Variants in DNMT1 observed in about 807,000 individuals in gnomAD.
DNMT1 encodes DNA methyltransferase 1.
Under a neutral mutation model 205.3 loss-of-function variants are expected in DNMT1, and 24 were observed. The ratio of observed to expected loss-of-function variants is 0.12; its 90% CI spans 0.08 to 0.16. DNMT1 has a LOEUF of 0.16. Among genes scored for constraint, DNMT1 ranks in the 10% least tolerant of loss-of-function variants. The pLI is 1.00. For missense variants in DNMT1, 1,293 were observed against 2,177.7 expected (o/e 0.59, Z 8.09); for synonymous variants, 817 against 839.8 (o/e 0.97, Z 0.47).
At position 10,146,126 on chromosome 19, in the gene DNMT1, C is replaced by G. The variant is rs1470372026; in HGVS notation, c.2894+225G>C. 6.6e-6 allele frequency among the ~76,000 whole-genome samples: 1 copy of G among 152,162 alleles called. No individual in the cohort carries two copies. Among genetic ancestry groups the G allele is most frequent in the Non-Finnish European group, 1.5e-5 (1 of 68,034 alleles). Reference sequence around the variant, plus strand: ...GATTACAGGCGTGAGAAACCACACCCAGCCAAACCAGCGAGTTGACTTTTA... The same window carrying G: ...GATTACAGGCGTGAGAAACCACACCGAGCCAAACCAGCGAGTTGACTTTTA... On this transcript the variant is annotated intron_variant, in intron 28 of 40. Coordinates refer to ENST00000359526, the MANE Select transcript of DNMT1 (RefSeq NM_001130823.3). The surrounding 1 kb of genome is among the most constrained non-coding windows in gnomAD (Gnocchi z 4.4).
chr19:10,166,587 C>A lies in DNMT1; in HGVS notation c.891+11G>T. 6.2e-7 allele frequency: 1 copy of A among 1,614,040 alleles called. No homozygotes were observed. Among genetic ancestry groups the A allele is most frequent in the Non-Finnish European group, 8.5e-7 (1 of 1,179,940 alleles). On this transcript the variant is annotated intron_variant, in intron 11 of 40. Transcript: ENST00000359526. ...TGAGGGGGAGTTCAGAAACAAATAACCCGCCTTTACTTTCTCGTCTCCATC... is the reference window on the plus strand; with the variant it reads ...TGAGGGGGAGTTCAGAAACAAATAAACCGCCTTTACTTTCTCGTCTCCATC...
At chr19:10,155,584 C>T (rs952036428) in intron 19 of DNMT1, among the ~76,000 whole-genome samples, 2 of 152,072 alleles carry the variant, frequency 1.3e-5, no homozygotes, top group South Asian at 2.1e-4. Flanking sequence ...CTCAAATGAT[C>T]CCCCCAACTC....
intron 26 of DNMT1, 23 bp from the exon 27 acceptor site, chr19:10,149,040 CAG>C (rs906405507): frequency 1.7e-5 from 27 of 1,613,202 alleles, no homozygotes; most frequent in Non-Finnish European, 2.1e-5. Flanking sequence ...GAATGCGTGT[CAG>C]GCCAGGCGCA....
chr19:10,171,149 A>C (rs77860680), intron 9 of DNMT1, among the ~76,000 whole-genome samples: 3 of 152,126 alleles, frequency 2.0e-5, no homozygotes, highest in African/African-American at 7.2e-5. Context: ...AGAAAAAAAA[A>C]CAGGACCCAG....
In DNMT1 at chr19:10,146,532, A is replaced by G. The variant is rs2038207511; in HGVS notation, c.2721-8T>C. 2.5e-6 allele frequency: 4 copies of G among 1,613,970 alleles called. No homozygotes were observed. The highest frequency in any genetic ancestry group is 2.5e-6 in the Non-Finnish European group (3 of 1,180,030). ...GCACAGCTCACACAGAATCTGAAGG[A>G]AACAAAGGGACAGAAACATAAGGCC... On this transcript the variant is annotated splice_polypyrimidine_tract_variant and splice_region_variant and intron_variant, in intron 27 of 40. Transcript: ENST00000359526. The surrounding 1 kb of genome is among the most constrained non-coding windows in gnomAD (Gnocchi z 4.4).
At chr19:10,139,889 A>C (rs2089566920) in intron 33 of DNMT1, 72 bp from the exon 34 acceptor site, 11 of 1,560,002 alleles carry the variant, frequency 7.1e-6, no homozygotes, top group East Asian at 2.4e-5. Flanking sequence ...CTGTGCCGGA[A>C]GCCCCTCACG....
intron 1 of DNMT1, among the ~76,000 whole-genome samples, chr19:10,191,836 A>C (rs1329717068): frequency 6.6e-6 from 1 of 151,954 alleles, no homozygotes; most frequent in Non-Finnish European, 1.5e-5. Flanking sequence ...TCTCTAAAAA[A>C]AAAAATTTTT....
chr19:10,177,995 C>T (rs1170579491), intron 5 of DNMT1, among the ~76,000 whole-genome samples: 3 of 151,646 alleles, frequency 2.0e-5, no homozygotes, highest in Admixed American at 1.3e-4. Context: ...TGCAGTGGCT[C>T]ATGCCTGTAA....
chr19:10,192,056 T>A (rs1242859949), intron 1 of DNMT1, among the ~76,000 whole-genome samples: 2 of 151,986 alleles, frequency 1.3e-5, no homozygotes, highest in Non-Finnish European at 2.9e-5. Flanking sequence ...ACTCCTGACC[T>A]CAGGTGATCT....
chr19:10,183,043 ATG>A (rs2039104824), intron 1 of DNMT1, among the ~76,000 whole-genome samples: 5 of 143,104 alleles, frequency 3.5e-5, no homozygotes, highest in East Asian at 4.6e-4. Flanking sequence ...ATACGTATAT[ATG>A]TGTATACATA....
chr19:10,181,918 T>C (rs755903733), intron 2 of DNMT1, 123 bp downstream of exon 2: 35 of 826,776 alleles, frequency 4.2e-5, no homozygotes, highest in Non-Finnish European at 6.1e-5. Flanking sequence ...AATATCCAAA[T>C]TATCTTTGAA....
chr19:10,136,452 A>G lies in DNMT1; in HGVS notation c.4490-165T>C, dbSNP rs147925942. 7.8e-4 allele frequency among the ~76,000 whole-genome samples: 119 copies of G among 152,228 alleles called. 1 individual carries two copies. Among genetic ancestry groups the G allele is most frequent in the Non-Finnish European group, 1.5e-3 (103 of 68,008 alleles). On this transcript the variant is annotated intron_variant, in intron 37 of 40. Transcript: ENST00000359526. The stretch of plus-strand genomic sequence containing the variant: ...TTCTCTGGGCACTGTTTTTATTATT[A>G]GTATTATATGTCTCGCTCTGTTGCC...
In DNMT1 at chr19:10,141,007, A is replaced by G. The variant is rs967505199; in HGVS notation, c.3394+98T>C. The G allele has an allele frequency of 3.3e-5, 53 of 1,613,210 alleles. No individual in the cohort carries two copies. In the Admixed American group the frequency reaches 8.5e-4, roughly 26 times the overall value. ...AACTCAGGCGGCCTCGCTGTCCCAG[A>G]GTCAGTAACACCAGAGGTGGTTTTA... On this transcript the variant is annotated intron_variant, in intron 31 of 40. Coordinates refer to ENST00000359526, the MANE Select transcript of DNMT1 (RefSeq NM_001130823.3).
intron 39 of DNMT1, among the ~76,000 whole-genome samples, chr19:10,135,262 C>CG (rs149750179): frequency 0.079 from 11,601 of 147,088 alleles, 644 homozygotes; most frequent in African/African-American, 0.15. Context: ...GAACCAGATT[C>CG]GGGGGGAGGG....
At chr19:10,139,294 G>A (rs534905153) in intron 34 of DNMT1, among the ~76,000 whole-genome samples, 8 of 152,180 alleles carry the variant, frequency 5.3e-5, no homozygotes, top group Non-Finnish European at 8.8e-5. Context: ...AACAGCTGCC[G>A]CCTACACATG....
In DNMT1 at chr19:10,133,832, G is replaced by A. The variant is rs2089422706; in HGVS notation, c.4865-131C>T. The A allele has an allele frequency of 7.9e-6, 8 of 1,018,020 alleles. No homozygotes were observed. The highest frequency in any genetic ancestry group is 1.2e-5 in the Non-Finnish European group (8 of 664,178). The allele number at this position is 1,018,020 out of a possible 1,614,324, so 63.1% of individuals were successfully genotyped here. ...ATGTTAACAGCTGACCCAATAAGTG[G>A]CAGAGTGCTAAGGGAACGTTCACGG... On this transcript the variant is annotated intron_variant, in intron 40 of 40. Transcript: ENST00000359526. The surrounding 1 kb of genome is among the most constrained non-coding windows in gnomAD (Gnocchi z 4.1).
chr19:10,185,269 CA>C (rs1296346114), intron 1 of DNMT1, among the ~76,000 whole-genome samples: 1 of 151,782 alleles, frequency 6.6e-6, no homozygotes, highest in African/African-American at 2.4e-5. Flanking sequence ...ACTAAAAATA[CA>C]AAAAATTAGC....
intron 13 of DNMT1, 70 bp from the exon 14 acceptor site, chr19:10,160,488 T>A: frequency 1.3e-6 from 2 of 1,547,888 alleles, no homozygotes; most frequent in Non-Finnish European, 1.8e-6. Flanking sequence ...GCTTCGGTGT[T>A]AAGAACTTTG....
intron 29 of DNMT1, among the ~76,000 whole-genome samples, chr19:10,143,235 G>C (rs1292842811): frequency 6.6e-6 from 1 of 152,182 alleles, no homozygotes; most frequent in African/African-American, 2.4e-5. Flanking sequence ...TTTTTCTTTT[G>C]AGACGGGGTC....
Sources: gnomAD v4.1 joint callset for allele counts (sites outside exome capture counted in the v4.1 genomes callset) on GRCh38, gnomAD v4.1.1 for gene constraint, Gnocchi (gnomAD v3.1) non-coding constraint, MANE v1.5 for transcripts, NCBI Gene and HGNC (gene_info 2026-07-23, HGNC 2026-07-21) for gene names.